Variants in HERPUD2 observed in about 807,000 individuals in gnomAD.
HERPUD2 encodes the protein homocysteine-responsive endoplasmic reticulum-resident ubiquitin-like domain member 2 protein.
Under a neutral mutation model 49.9 loss-of-function variants are expected in HERPUD2, and 13 were observed. The ratio of observed to expected loss-of-function variants is 0.26; its 90% CI spans 0.17 to 0.41. The LOEUF is 0.41. Ranked by LOEUF, HERPUD2 falls within the 10% of genes least tolerant of loss-of-function variation. The pLI is 1.00. For synonymous variants in HERPUD2, 172 were observed against 171.4 expected, an observed-to-expected ratio of 1.00 and a Z score of -0.03; for missense variants, 449 against 492.2, an observed-to-expected ratio of 0.91 and a Z score of 0.83.
At chr7:35,670,399 A>G in intron 3 of HERPUD2, 71 bp from the exon 4 acceptor site, 1 of 602,590 alleles carries the variant, frequency 1.7e-6, no homozygotes, top group Non-Finnish European at 2.7e-6. Flanking sequence ...CAGTAGCTAA[A>G]CTGAAATACC....
intron 5 of HERPUD2, among the ~76,000 whole-genome samples, chr7:35,642,858 T>C (rs1784988307): frequency 6.6e-6 from 1 of 152,146 alleles, no homozygotes; most frequent in Admixed American, 6.5e-5. Flanking sequence ...TACTGGGTAC[T>C]AGGCTTAGTA....
chr7:35,634,278 G>T (rs1473221158), intron 8 of HERPUD2, 34 bp downstream of exon 8: 2 of 1,330,360 alleles, frequency 1.5e-6, no homozygotes, highest in African/African-American at 1.4e-5. Context: ...GAAAATCTCA[G>T]TATCTTAAGT....
chr7:35,685,908 C>G (rs1386609024), intron 2 of HERPUD2, among the ~76,000 whole-genome samples: 2 of 151,840 alleles, frequency 1.3e-5, no homozygotes, highest in African/African-American at 4.8e-5. Flanking sequence ...TTGCGGTGAG[C>G]CAGGGTTGTG....
chr7:35,635,509 A>C (rs1459505514), intron 6 of HERPUD2, 51 bp from the exon 7 acceptor site: 1 of 1,475,416 alleles, frequency 6.8e-7, no homozygotes, highest in Non-Finnish European at 9.2e-7. Flanking sequence ...ACTTTACCAT[A>C]CCATATTTTT....
intron 4 of HERPUD2, among the ~76,000 whole-genome samples, chr7:35,669,539 T>C (rs1404272125): frequency 6.6e-6 from 1 of 152,174 alleles, no homozygotes; most frequent in Non-Finnish European, 1.5e-5. Flanking sequence ...AAAGCTTTTA[T>C]GGGAAATCAA....
intron 3 of HERPUD2, among the ~76,000 whole-genome samples, chr7:35,672,697 GATTT>G (rs1461768822): frequency 6.6e-6 from 1 of 151,998 alleles, no homozygotes; most frequent in African/African-American, 2.4e-5. Context: ...CCTTCAAGTT[GATTT>G]TATTGAAAAT....
At position 35,664,463 on chromosome 7, in the gene HERPUD2, T is replaced by A. The variant is rs549021536; in HGVS notation, c.494+2971A>T. Among the ~76,000 whole-genome samples the A allele has an allele frequency of 1.1e-4, 16 of 152,362 alleles. No homozygotes were observed. The South Asian group carries it at 3.3e-3, about 32-fold the overall frequency. On this transcript the variant is annotated intron_variant, in intron 5 of 8. Transcript: ENST00000311350. ...CCTCACTAGGTTGGGGAAGTTCTCC[T>A]GGATGATATCCTGAAGAGTGCTTTC...
At chr7:35,658,582 T>C (rs1184323004) in intron 5 of HERPUD2, among the ~76,000 whole-genome samples, 1 of 152,130 alleles carries the variant, frequency 6.6e-6, no homozygotes. Flanking sequence ...TCCATAAATA[T>C]GTGCAAATAA....
chr7:35,653,472 G>A (rs1271456373), intron 5 of HERPUD2, among the ~76,000 whole-genome samples: 1 of 152,166 alleles, frequency 6.6e-6, no homozygotes, highest in Non-Finnish European at 1.5e-5. Flanking sequence ...AATACAATAA[G>A]TGCTAGGGAC....
chr7:35,690,375 T>C (rs778942460), intron 2 of HERPUD2, among the ~76,000 whole-genome samples: 3 of 152,252 alleles, frequency 2.0e-5, no homozygotes, highest in East Asian at 1.9e-4. Flanking sequence ...TTCACAAATA[T>C]GGCAACTGCC....
intron 5 of HERPUD2, among the ~76,000 whole-genome samples, chr7:35,658,282 C>T (rs1383562806): frequency 6.6e-6 from 1 of 152,066 alleles, no homozygotes; most frequent in East Asian, 1.9e-4. Context: ...GTAAGTTCCT[C>T]TCATGGAGGT....
intron 7 of HERPUD2, among the ~76,000 whole-genome samples, chr7:35,634,720 T>C (rs542820205): frequency 8.5e-5 from 13 of 152,266 alleles, no homozygotes; most frequent in African/African-American, 2.9e-4. Flanking sequence ...AAATACAACT[T>C]AGATATTTGT....
At chr7:35,672,992 A>C (rs1785675295) in intron 3 of HERPUD2, among the ~76,000 whole-genome samples, 1 of 152,158 alleles carries the variant, frequency 6.6e-6, no homozygotes, top group Non-Finnish European at 1.5e-5. Context: ...ATCGTACTTC[A>C]GATTTAACTA....
At chr7:35,672,420 C>T (rs1785662633) in intron 3 of HERPUD2, among the ~76,000 whole-genome samples, 1 of 151,926 alleles carries the variant, frequency 6.6e-6, no homozygotes. Context: ...TGTCAACTGT[C>T]TAAGCAGAAG....
chr7:35,657,603 CA>C (rs34292182), intron 5 of HERPUD2, among the ~76,000 whole-genome samples: 22,681 of 57,286 alleles, frequency 0.4, 2,065 homozygotes, highest in East Asian at 0.54. Flanking sequence ...GACCTTCTCT[CA>C]AAAAAAAAAA....
intron 5 of HERPUD2, among the ~76,000 whole-genome samples, chr7:35,657,036 A>G (rs752356153): frequency 4.7e-5 from 7 of 149,996 alleles, no homozygotes; most frequent in Non-Finnish European, 8.9e-5. Context: ...ACTAAAAAGC[A>G]TAGCAAATGA....
At chr7:35,665,894 A>C (rs879418080) in intron 5 of HERPUD2, among the ~76,000 whole-genome samples, 2 of 152,318 alleles carry the variant, frequency 1.3e-5, no homozygotes, top group Middle Eastern at 3.4e-3. Context: ...TAATCTTATA[A>C]GCTTGATTTG....
intron 2 of HERPUD2, among the ~76,000 whole-genome samples, chr7:35,692,156 TG>T (rs1350052945): frequency 6.6e-6 from 1 of 152,236 alleles, no homozygotes; most frequent in Non-Finnish European, 1.5e-5. Flanking sequence ...GAAGGAGTTC[TG>T]TAACAGATCT....
At chr7:35,636,490 G>A (rs1379375234) in intron 6 of HERPUD2, among the ~76,000 whole-genome samples, 1 of 152,164 alleles carries the variant, frequency 6.6e-6, no homozygotes, top group Non-Finnish European at 1.5e-5. Flanking sequence ...ATGCACATAA[G>A]AGTATATGAT....
Sources: gnomAD v4.1 joint callset for allele counts (sites outside exome capture counted in the v4.1 genomes callset) on GRCh38, gnomAD v4.1.1 for gene constraint, MANE v1.5 for transcripts, NCBI Gene and HGNC (gene_info 2026-07-23, HGNC 2026-07-21) for gene names.